The following LPAR1 variants were observed in gnomAD, a reference collection of about 807,000 sequenced individuals.
The protein encoded by LPAR1 is lysophosphatidic acid receptor 1.
In LPAR1, 5 loss-of-function variants were observed where a neutral mutation model predicts 23.8. The ratio of observed to expected loss-of-function variants is 0.21; its 90% CI spans 0.11 to 0.44. LPAR1 has a LOEUF of 0.44. Among genes scored for constraint, LPAR1 ranks in the 20% least tolerant of loss-of-function variants. The pLI is 0.99. For missense variants in LPAR1, 311 were observed against 482.8 expected (o/e 0.64, Z 3.33); for synonymous variants, 160 against 164.7 (o/e 0.97, Z 0.22).
intron 2 of LPAR1, among the ~76,000 whole-genome samples, chr9:110,983,127 A>T (rs1333378964): frequency 2.0e-5 from 3 of 152,020 alleles, no homozygotes; most frequent in Non-Finnish European, 4.4e-5. Context: ...TTAAAATAGG[A>T]TTACCATATG....
intron 5 of LPAR1, among the ~76,000 whole-genome samples, chr9:110,893,430 A>G (rs1490538562): frequency 6.6e-6 from 1 of 152,234 alleles, no homozygotes; most frequent in Non-Finnish European, 1.5e-5. Flanking sequence ...CCACATGGGA[A>G]GATACGCACA....
chr9:110,971,882 G>A (rs2096434463), intron 4 of LPAR1, among the ~76,000 whole-genome samples, 191 bp downstream of exon 4: 1 of 152,114 alleles, frequency 6.6e-6, no homozygotes, highest in Non-Finnish European at 1.5e-5. Context: ...AAAATCACTT[G>A]TTCATTGTTC....
intron 2 of LPAR1, among the ~76,000 whole-genome samples, chr9:110,990,110 G>A (rs765219975): frequency 4.6e-5 from 7 of 152,130 alleles, no homozygotes; most frequent in South Asian, 2.1e-4. Flanking sequence ...TGAAACATAC[G>A]AAGTAAAAAC....
chr9:110,930,096 A>G (rs149023073), intron 5 of LPAR1, among the ~76,000 whole-genome samples: 5 of 152,356 alleles, frequency 3.3e-5, no homozygotes, highest in African/African-American at 1.2e-4. Flanking sequence ...AGAAAATTAT[A>G]TTCTCGTTAT....
intron 2 of LPAR1, among the ~76,000 whole-genome samples, chr9:111,031,844 T>C (rs1386595378): frequency 6.6e-6 from 1 of 152,208 alleles, no homozygotes; most frequent in African/African-American, 2.4e-5. Flanking sequence ...GGCTCTGTGG[T>C]CTCCTTCCTT....
intron 5 of LPAR1, among the ~76,000 whole-genome samples, chr9:110,907,763 T>C (rs1241522451): frequency 1.3e-5 from 2 of 152,132 alleles, no homozygotes; most frequent in African/African-American, 4.8e-5. Flanking sequence ...TTTTTATTAA[T>C]AATAATGCAC....
chr9:110,881,835 A>G (rs1434979047), intron 5 of LPAR1, among the ~76,000 whole-genome samples: 5 of 152,162 alleles, frequency 3.3e-5, no homozygotes, highest in Non-Finnish European at 7.3e-5. Context: ...AAAACCCTCC[A>G]AAGTCTTCCT....
At chr9:111,034,460 C>T (rs914262314) in intron 2 of LPAR1, among the ~76,000 whole-genome samples, 2 of 152,134 alleles carry the variant, frequency 1.3e-5, no homozygotes, top group Admixed American at 6.5e-5. Flanking sequence ...ACTTCAACCC[C>T]ACATGTTCAA....
chr9:110,885,356 AC>A (rs999315084), intron 5 of LPAR1, among the ~76,000 whole-genome samples: 1 of 152,212 alleles, frequency 6.6e-6, no homozygotes, highest in African/African-American at 2.4e-5. Context: ...AAGAACTGCC[AC>A]CAAAGTCAGC....
intron 5 of LPAR1, among the ~76,000 whole-genome samples, chr9:110,901,208 G>A (rs930864597): frequency 2.8e-4 from 43 of 152,150 alleles, no homozygotes; most frequent in African/African-American, 1.0e-3. Context: ...AAGTTGACAA[G>A]AGGCGATTAG....
chr9:111,019,166 T>A (rs570853567), intron 2 of LPAR1, among the ~76,000 whole-genome samples: 44 of 152,286 alleles, frequency 2.9e-4, no homozygotes, highest in African/African-American at 9.9e-4. Context: ...ATAATTTTTT[T>A]AATGTTTTTA....
chr9:110,987,456 T>C (rs6477800), intron 2 of LPAR1, among the ~76,000 whole-genome samples: 102,096 of 151,166 alleles, frequency 0.68, 34,847 homozygotes, highest in Admixed American at 0.71. Context: ...GGCCCCCTAC[T>C]CACGAAATTA....
At chr9:111,017,168 T>C (rs2097465812) in intron 2 of LPAR1, among the ~76,000 whole-genome samples, 1 of 152,188 alleles carries the variant, frequency 6.6e-6, no homozygotes, top group African/African-American at 2.4e-5. Flanking sequence ...CCTTTTCTAA[T>C]ACATGAATAG....
chr9:111,022,372 A>T lies in LPAR1; in HGVS notation c.-182+13750T>A, dbSNP rs188721453. On this transcript the variant is annotated intron_variant, in intron 2 of 5. Transcript: ENST00000683809. ...CAGCAATGGAAGAACTGGCAATTGA[A>T]TCATGGTCTCCCATCTCACGTGGTC... Among the ~76,000 whole-genome samples, 1,058 of 152,286 alleles carry T rather than the reference A, an allele frequency of 6.9e-3. 11 individuals carry two copies. The highest frequency in any genetic ancestry group is 0.01 in the Non-Finnish European group (692 of 68,020).
chr9:110,934,676 T>C (rs2094581791), intron 5 of LPAR1, among the ~76,000 whole-genome samples: 1 of 152,140 alleles, frequency 6.6e-6, no homozygotes, highest in Non-Finnish European at 1.5e-5. Context: ...TCCTAAGTAA[T>C]CTTGGAAATC....
intron 5 of LPAR1, among the ~76,000 whole-genome samples, chr9:110,883,188 C>G (rs569630975): frequency 6.6e-6 from 1 of 152,072 alleles, no homozygotes; most frequent in African/African-American, 2.4e-5. Flanking sequence ...TACAGGTGCA[C>G]GCCACCATGC....
rs189625524 is a variant in LPAR1, at chr9:110,926,454, A to G, written c.793+14967T>C. Among the ~76,000 whole-genome samples, 491 of 152,348 alleles carry G rather than the reference A, an allele frequency of 3.2e-3. 4 individuals carry two copies. Among genetic ancestry groups the G allele is most frequent in the African/African-American group, 0.011 (461 of 41,580 alleles). ...GGGAAACAAATGGTTTCTCCTCAGG[A>G]TAATATAAAATCATATGCCTACTTG... On this transcript the variant is annotated intron_variant, in intron 5 of 5. Coordinates refer to ENST00000683809, the MANE Select transcript of LPAR1 (RefSeq NM_001351411.2).
intron 5 of LPAR1, among the ~76,000 whole-genome samples, chr9:110,919,307 C>T (rs945104477): frequency 2.7e-4 from 41 of 151,978 alleles, no homozygotes; most frequent in African/African-American, 9.7e-4. Flanking sequence ...ATTCTACAGT[C>T]ACAAGGAAAT....
intron 2 of LPAR1, among the ~76,000 whole-genome samples, chr9:111,007,417 T>C (rs968563909): frequency 4.6e-5 from 7 of 152,156 alleles, no homozygotes; most frequent in African/African-American, 1.4e-4. Flanking sequence ...GTATTAAATA[T>C]ATAGCTTAAA....
Sources: gnomAD v4.1 joint callset for allele counts (sites outside exome capture counted in the v4.1 genomes callset) on GRCh38, gnomAD v4.1.1 for gene constraint, MANE v1.5 for transcripts, NCBI Gene and HGNC (gene_info 2026-07-23, HGNC 2026-07-21) for gene names.